Variants in PIP5K1C observed in about 807,000 individuals in gnomAD.
PIP5K1C encodes the protein phosphatidylinositol 4-phosphate 5-kinase type-1 gamma.
Under a neutral mutation model 80.1 loss-of-function variants are expected in PIP5K1C, and 45 were observed. The observed-to-expected ratio is 0.56, with a 90% CI of 0.44 to 0.72. The LOEUF (loss-of-function observed/expected upper bound fraction) is 0.72, where lower values mean the gene tolerates loss of function less well. Ranked by LOEUF, PIP5K1C falls within the 30% of genes least tolerant of loss-of-function variation. PIP5K1C has a pLI of 0.00. For synonymous variants in PIP5K1C, 498 were observed against 420.1 expected (o/e 1.19, Z -2.27); for missense variants, 753 against 954.6 (o/e 0.79, Z 2.78).
Position 3,632,990 on chromosome 19 carries a change from G to GT in PIP5K1C, c.*176_*177insA. 1.9e-6 allele frequency: 1 copy of GT among 534,866 alleles called. No homozygotes were observed. Among genetic ancestry groups the GT allele is most frequent in the South Asian group, 2.5e-5 (1 of 40,168 alleles). The allele number at this position is 534,866 out of a possible 1,614,324, so 33.1% of individuals were successfully genotyped here. A position where few individuals can be genotyped will look rare whatever the true frequency, so the allele number is the denominator to read the frequency against. ...CTGCCGACCGGGGTGCCGGGGCCCT[G>GT]GGAGGCTTGTCGGGGAGGGGCCCGG... On this transcript the variant is annotated 3_prime_UTR_variant, in exon 18 of 18. Coordinates refer to ENST00000335312, the MANE Select transcript of PIP5K1C (RefSeq NM_012398.3).
At chr19:3,678,419 G>A (rs1381858578) in intron 1 of PIP5K1C, among the ~76,000 whole-genome samples, 2 of 132,514 alleles carry the variant, frequency 1.5e-5, no homozygotes, top group Non-Finnish European at 3.3e-5. Flanking sequence ...GAGTGATGAA[G>A]GATGGAGGGA....
At chr19:3,672,945 C>G (rs1443909240) in intron 1 of PIP5K1C, among the ~76,000 whole-genome samples, 1 of 58,138 alleles carries the variant, frequency 1.7e-5, no homozygotes, top group East Asian at 5.1e-4. Flanking sequence ...GATGATGAAG[C>G]TGGGGACTGG....
At chr19:3,698,694 G>A (rs1600107210) in intron 1 of PIP5K1C, among the ~76,000 whole-genome samples, 2 of 152,162 alleles carry the variant, frequency 1.3e-5, no homozygotes, top group African/African-American at 4.8e-5. Context: ...CCCCAGTGAG[G>A]CATGAAACCA....
Position 3,648,193 on chromosome 19 carries a change from T to A in PIP5K1C, c.1211+432A>T, listed in dbSNP as rs2034308467. 6.6e-6 allele frequency among the ~76,000 whole-genome samples: 1 copy of A among 151,280 alleles called. No individual in the cohort carries two copies. Among genetic ancestry groups the A allele is most frequent in the Admixed American group, 6.6e-5 (1 of 15,202 alleles). ...GAGCACCACCACGCTCAGCTAATTT[T>A]TTGATATTTTGTAGAGATGGGGTCT... On this transcript the variant is annotated intron_variant, in intron 9 of 17. Coordinates refer to ENST00000335312, the MANE Select transcript of PIP5K1C (RefSeq NM_012398.3). The surrounding 1 kb of genome is among the most constrained non-coding windows in gnomAD (Gnocchi z 4.3).
chr19:3,645,841 A>C (rs2034190022), intron 11 of PIP5K1C, 133 bp downstream of exon 11: 1 of 772,720 alleles, frequency 1.3e-6, no homozygotes, highest in Admixed American at 1.8e-5. Context: ...GCCCGGTCTG[A>C]GGGGGGCACA....
chr19:3,653,243 C>A (rs1485945611), intron 7 of PIP5K1C, 47 bp downstream of exon 7: 11 of 1,574,204 alleles, frequency 7.0e-6, no homozygotes, highest in African/African-American at 1.3e-5. Flanking sequence ...CCTCACCACG[C>A]AGTCCCACCT....
intron 4 of PIP5K1C, 103 bp from the exon 5 acceptor site, chr19:3,661,186 G>C: frequency 1.3e-6 from 1 of 747,584 alleles, no homozygotes; most frequent in Non-Finnish European, 2.3e-6. Context: ...AGCCTCTAGC[G>C]GCTCAGCTCC....
At chr19:3,640,461 A>G (rs1200799916) in intron 15 of PIP5K1C, among the ~76,000 whole-genome samples, 1 of 152,174 alleles carries the variant, frequency 6.6e-6, no homozygotes, top group Non-Finnish European at 1.5e-5. Flanking sequence ...GGTTGCAGTG[A>G]GCCGAAATCG....
intron 1 of PIP5K1C, among the ~76,000 whole-genome samples, chr19:3,676,745 A>G (rs1458153285): frequency 6.6e-6 from 1 of 152,206 alleles, no homozygotes; most frequent in Non-Finnish European, 1.5e-5. Flanking sequence ...GAAATTCAAC[A>G]TGAATTTCAC....
rs150783050 is a variant in PIP5K1C at position 3,665,812 on chromosome 19, C to G, written c.127-898G>C. Among the ~76,000 whole-genome samples the G allele has an allele frequency of 4.6e-5, 7 of 152,182 alleles. No individual in the cohort carries two copies. In the South Asian group the frequency reaches 1.2e-3, roughly 27 times the overall value. On this transcript the variant is annotated intron_variant, in intron 2 of 17. Coordinates refer to ENST00000335312, the MANE Select transcript of PIP5K1C (RefSeq NM_012398.3). Reference sequence around the variant, plus strand: ...GGGGCCTTGGGAGCCTGAAGGGACACAGAGGCCAACCAAGGAGAACAGCCC... The same window carrying G: ...GGGGCCTTGGGAGCCTGAAGGGACAGAGAGGCCAACCAAGGAGAACAGCCC...
At chr19:3,676,894 G>A (rs1055477107) in intron 1 of PIP5K1C, among the ~76,000 whole-genome samples, 3 of 152,162 alleles carry the variant, frequency 2.0e-5, no homozygotes, top group Non-Finnish European at 2.9e-5. Context: ...GAGCCCAGAA[G>A]TTTGAGACTT....
Position 3,648,598 on chromosome 19 carries a change from T to C in PIP5K1C, c.1211+27A>G, listed in dbSNP as rs1349841303. On this transcript the variant is annotated intron_variant, in intron 9 of 17. Coordinates refer to ENST00000335312, the MANE Select transcript of PIP5K1C (RefSeq NM_012398.3). The surrounding 1 kb of genome is among the most constrained non-coding windows in gnomAD (Gnocchi z 4.3). ...GGACTGCAGACCCGGGGCGTCCACC[T>C]GTAGGACTGCAGACCCGGGCACCCA... 2.5e-6 allele frequency: 4 copies of C among 1,599,364 alleles called. No homozygotes were observed. Among genetic ancestry groups the C allele is most frequent in the Middle Eastern group, 1.7e-4 (1 of 5,926 alleles).
In PIP5K1C at chr19:3,633,010, G is replaced by T; in HGVS notation, c.*157C>A. The T allele has an allele frequency of 1.8e-6, 1 of 549,950 alleles. No homozygotes were observed. The highest frequency in any genetic ancestry group is 3.3e-6 in the Non-Finnish European group (1 of 306,278). The allele number at this position is 549,950 out of a possible 1,614,324, so 34.1% of individuals were successfully genotyped here. A position where few individuals can be genotyped will look rare whatever the true frequency, so the allele number is the denominator to read the frequency against. On this transcript the variant is annotated 3_prime_UTR_variant, in exon 18 of 18. Coordinates refer to ENST00000335312, the MANE Select transcript of PIP5K1C (RefSeq NM_012398.3). ...GCCCTGGGAGGCTTGTCGGGGAGGG[G>T]CCCGGCCGTCGGCATCCGTGCAGGG...
At chr19:3,643,074 C>G in intron 13 of PIP5K1C, 135 bp from the exon 14 acceptor site, 1 of 1,461,586 alleles carries the variant, frequency 6.8e-7, no homozygotes, top group South Asian at 1.1e-5. Context: ...CTCCCTCCCA[C>G]ACATTGGATG....
chr19:3,649,128 C>G (rs2034359767), intron 8 of PIP5K1C, among the ~76,000 whole-genome samples: 1 of 70,470 alleles, frequency 1.4e-5, no homozygotes, highest in East Asian at 4.5e-4. Context: ...CACACGTCCC[C>G]TGCCCAGCGC....
chr19:3,639,247 GC>G (rs2033854436), intron 15 of PIP5K1C, among the ~76,000 whole-genome samples: 1 of 152,172 alleles, frequency 6.6e-6, no homozygotes, highest in Non-Finnish European at 1.5e-5. Context: ...TGACCCGCCA[GC>G]CCGCTGACAG....
intron 5 of PIP5K1C, among the ~76,000 whole-genome samples, chr19:3,659,517 C>G (rs1568332858): frequency 6.6e-6 from 1 of 152,264 alleles, no homozygotes; most frequent in Non-Finnish European, 1.5e-5. Flanking sequence ...CTGCTGCCTT[C>G]TGTTCCTGGC....
At chr19:3,679,089 A>G (rs1027356156) in intron 1 of PIP5K1C, among the ~76,000 whole-genome samples, 5 of 152,020 alleles carry the variant, frequency 3.3e-5, no homozygotes, top group Admixed American at 3.3e-4. Flanking sequence ...CAATTCTTTC[A>G]ACTTTTCAGC....
chr19:3,663,520 G>A (rs562661211), intron 3 of PIP5K1C, among the ~76,000 whole-genome samples: 9 of 152,176 alleles, frequency 5.9e-5, no homozygotes, highest in Non-Finnish European at 1.3e-4. Flanking sequence ...GGGCACCAAG[G>A]GAAAGCACAT....
Sources: gnomAD v4.1 joint callset for allele counts (sites outside exome capture counted in the v4.1 genomes callset) on GRCh38, gnomAD v4.1.1 for gene constraint, Gnocchi (gnomAD v3.1) non-coding constraint, MANE v1.5 for transcripts, NCBI Gene and HGNC (gene_info 2026-07-23, HGNC 2026-07-21) for gene names.